The following DRC8 variants were observed in gnomAD, a reference collection of about 807,000 sequenced individuals.
DRC8 encodes dynein regulatory complex protein 8.
At chr1:244,990,030 G>T in the DRC8 span, among the ~76,000 whole-genome samples, 1 of 152,176 alleles carries the variant, frequency 6.6e-6, no homozygotes, top group Non-Finnish European at 1.5e-5. Flanking sequence ...TTTAATCATT[G>T]ACATCTTCTG....
the DRC8 span, among the ~76,000 whole-genome samples, chr1:244,981,681 G>A: frequency 1.3e-5 from 2 of 152,144 alleles, no homozygotes; most frequent in African/African-American, 2.4e-5. Context: ...TGGAGGCTGC[G>A]TGTGGACTGT....
the DRC8 span, among the ~76,000 whole-genome samples, chr1:245,067,646 G>A: frequency 9.2e-5 from 14 of 152,126 alleles, no homozygotes; most frequent in Admixed American, 8.5e-4. Context: ...TGAAACTTCG[G>A]AATTGGCTTT....
chr1:245,114,513 G>T, the DRC8 span, among the ~76,000 whole-genome samples: 1 of 151,662 alleles, frequency 6.6e-6, no homozygotes, highest in Admixed American at 6.6e-5. Context: ...ATTCCTTCAT[G>T]TACAACATCC....
At chr1:244,996,655 G>T in the DRC8 span, among the ~76,000 whole-genome samples, 2 of 152,212 alleles carry the variant, frequency 1.3e-5, no homozygotes, top group African/African-American at 2.4e-5. Flanking sequence ...GTTCACGACA[G>T]ATTCGAATCT....
chr1:245,051,826 G>T, the DRC8 span, among the ~76,000 whole-genome samples: 1 of 152,320 alleles, frequency 6.6e-6, no homozygotes, highest in Non-Finnish European at 1.5e-5. Context: ...AGAGCTGAGT[G>T]TGGAAACGAA....
At chr1:245,012,577 G>A in the DRC8 span, among the ~76,000 whole-genome samples, 12 of 151,730 alleles carry the variant, frequency 7.9e-5, no homozygotes, top group African/African-American at 2.4e-4. Context: ...TACAGGGCTC[G>A]AAAAAATATT....
At chr1:245,021,954 G>T in the DRC8 span, among the ~76,000 whole-genome samples, 290 of 151,842 alleles carry the variant, frequency 1.9e-3, 2 homozygotes, top group African/African-American at 6.6e-3. Flanking sequence ...CTATAAGCAC[G>T]TACCACACCT....
the DRC8 span, among the ~76,000 whole-genome samples, chr1:245,054,855 G>T: frequency 6.6e-6 from 1 of 152,202 alleles, no homozygotes; most frequent in Non-Finnish European, 1.5e-5. Flanking sequence ...CTGTCTCATG[G>T]ATGTTGGCAC....
the DRC8 span, among the ~76,000 whole-genome samples, chr1:244,987,101 G>C: frequency 6.6e-6 from 1 of 152,122 alleles, no homozygotes; most frequent in Non-Finnish European, 1.5e-5. Flanking sequence ...TTCCTTTTAA[G>C]TTAGAATGTA....
At chr1:244,983,310 A>C in the DRC8 span, among the ~76,000 whole-genome samples, 2 of 152,168 alleles carry the variant, frequency 1.3e-5, no homozygotes, top group African/African-American at 2.4e-5. Flanking sequence ...GATGATATTG[A>C]ATATGGTTTT....
the DRC8 span, among the ~76,000 whole-genome samples, chr1:245,109,211 T>G: frequency 6.6e-6 from 1 of 151,912 alleles, no homozygotes; most frequent in Non-Finnish European, 1.5e-5. Context: ...CAATGAGAGG[T>G]GTCAATTCTG....
chr1:245,002,102 T>C, the DRC8 span: 1 of 1,574,988 alleles, frequency 6.3e-7, no homozygotes, highest in Non-Finnish European at 8.6e-7. Flanking sequence ...GTACTCTTCA[T>C]GTGTCTCCTT....
At chr1:245,046,381 C>A in the DRC8 span, among the ~76,000 whole-genome samples, 1 of 151,150 alleles carries the variant, frequency 6.6e-6, no homozygotes, top group African/African-American at 2.5e-5. Flanking sequence ...CTGACCTGTG[C>A]TCCTTCTCGC....
chr1:245,018,212 G>A, the DRC8 span, among the ~76,000 whole-genome samples: 1 of 140,074 alleles, frequency 7.1e-6, no homozygotes, highest in African/African-American at 2.8e-5. Flanking sequence ...GGGCGACAGA[G>A]CGAGACTCTG....
chr1:245,084,066 C>CCA, the DRC8 span, among the ~76,000 whole-genome samples: 1 of 118,902 alleles, frequency 8.4e-6, no homozygotes, highest in Non-Finnish European at 1.8e-5. Flanking sequence ...AATTCCGCCC[C>CCA]CCCCCCGGCG....
At chr1:245,084,615 G>A in the DRC8 span, among the ~76,000 whole-genome samples, 23 of 152,248 alleles carry the variant, frequency 1.5e-4, no homozygotes, top group Admixed American at 1.4e-3. Flanking sequence ...CTGAAGGTCA[G>A]TAGCCTGATG....
the DRC8 span, among the ~76,000 whole-genome samples, chr1:244,998,481 G>A: frequency 6.6e-6 from 1 of 152,210 alleles, no homozygotes; most frequent in African/African-American, 2.4e-5. Context: ...GAAGTGCTGG[G>A]ATTCCAGGCG....
chr1:244,970,205 G>T, the DRC8 span: 1 of 746,686 alleles, frequency 1.3e-6, no homozygotes, highest in Non-Finnish European at 2.4e-6. Flanking sequence ...GGGGCCTCTG[G>T]TCTTCCCCCA....
the DRC8 span, chr1:244,970,267 T>TCCCCGCCCCGCCCCG: frequency 1.4e-6 from 1 of 704,310 alleles, no homozygotes. Context: ...CGGAGCCTCC[T>TCCCCGCCCCGCCCCG]CCCCGCCCCG....
Sources: gnomAD v4.1 joint callset for allele counts (sites outside exome capture counted in the v4.1 genomes callset) on GRCh38, gnomAD v4.1.1 for gene constraint, MANE v1.5 for transcripts, NCBI Gene and HGNC (gene_info 2026-07-23, HGNC 2026-07-21) for gene names.